The following PRKN variants were observed in gnomAD, a reference collection of about 807,000 sequenced individuals.
The protein encoded by PRKN is parkin RBR E3 ubiquitin protein ligase.
In PRKN, 56 loss-of-function variants were observed where a neutral mutation model predicts 59.5. The ratio of observed to expected loss-of-function variants is 0.94; its 90% confidence interval spans 0.76 to 1.18. PRKN has a LOEUF of 1.18. Ranked by LOEUF, PRKN falls within the 50% of genes most tolerant of loss-of-function variation. PRKN has a pLI of 0.00. For missense variants in PRKN, 657 were observed against 596.4 expected (o/e 1.10, Z -1.06); for synonymous variants, 250 against 222.1 (o/e 1.13, Z -1.12).
chr6:161,754,470 G>A (rs1319413079), intron 7 of PRKN, among the ~76,000 whole-genome samples: 1 of 152,078 alleles, frequency 6.6e-6, no homozygotes, highest in African/African-American at 2.4e-5. Context: ...GGGACACGAG[G>A]GCCATGAGGT....
Position 162,563,414 on chromosome 6 carries a change from CA to C in PRKN, c.8-119942del, listed in dbSNP as rs534438926. ...TATCACAGATCTTGTCCAAGACCAT[CA>C]AAGCAGCACCTCTATGAGTCTGCAA... On this transcript the variant is annotated intron_variant, in intron 1 of 11. Coordinates refer to ENST00000366898, the MANE Select transcript of PRKN (RefSeq NM_004562.3). Among the ~76,000 whole-genome samples, 776 of 152,316 alleles carry C rather than the reference CA, an allele frequency of 5.1e-3. 1 individual carries two copies. Among genetic ancestry groups the C allele is most frequent in the African/African-American group, 7.8e-3 (325 of 41,572 alleles).
At chr6:161,784,403 G>A (rs1790331698) in intron 7 of PRKN, among the ~76,000 whole-genome samples, 1 of 152,208 alleles carries the variant, frequency 6.6e-6, no homozygotes, top group Non-Finnish European at 1.5e-5. Flanking sequence ...ATCTGGTAAG[G>A]ATCCAGTATC....
At position 162,727,706 on chromosome 6, in the gene PRKN, GCC is replaced by G; in HGVS notation, c.-40_-39del. The G allele has an allele frequency of 6.4e-7, 1 of 1,558,500 alleles. No homozygotes were observed. On this transcript the variant is annotated 5_prime_UTR_variant, in exon 1 of 12. The change creates a premature stop within an existing upstream ORF in the 5' untranslated region. Transcript: ENST00000366898. ...GGTGGCGGCTGCGGGCCAGGAACAG[GCC>G]CATGCGCGCAGCGGCGCCAGCCGCG... is the stretch of plus-strand genomic sequence containing the variant.
At chr6:162,076,052 T>A (rs1366138410) in intron 4 of PRKN, among the ~76,000 whole-genome samples, 1 of 149,220 alleles carries the variant, frequency 6.7e-6, no homozygotes, top group Non-Finnish European at 1.5e-5. Flanking sequence ...TACTGCAACC[T>A]TCATCTCCTG....
chr6:162,467,308 A>G (rs1223256387), intron 1 of PRKN, among the ~76,000 whole-genome samples: 1 of 152,196 alleles, frequency 6.6e-6, no homozygotes, highest in Non-Finnish European at 1.5e-5. Context: ...TCAATAAATA[A>G]GAATGAATGT....
chr6:161,673,216 T>G (rs1232431706), intron 7 of PRKN, among the ~76,000 whole-genome samples: 1 of 152,136 alleles, frequency 6.6e-6, no homozygotes, highest in East Asian at 1.9e-4. Flanking sequence ...GAGCCCACCA[T>G]GCACACCGCA....
Position 162,174,731 on chromosome 6 carries a change from T to C in PRKN, c.534+26400A>G, listed in dbSNP as rs149062780. On this transcript the variant is annotated intron_variant, in intron 4 of 11. Coordinates refer to ENST00000366898, the MANE Select transcript of PRKN (RefSeq NM_004562.3). ...TTCATTCCCTTGTGCTTTGTTCTTG[T>C]TCATTTAACACACAACTAGTCCCAT... is the stretch of plus-strand genomic sequence containing the variant. Among the ~76,000 whole-genome samples the C allele has an allele frequency of 1.1e-4, 16 of 152,328 alleles. No homozygotes were observed. In the East Asian group the frequency reaches 2.9e-3, roughly 28 times the overall value.
chr6:162,667,782 C>T (rs1779159295), intron 1 of PRKN, among the ~76,000 whole-genome samples: 1 of 152,020 alleles, frequency 6.6e-6, no homozygotes, highest in Non-Finnish European at 1.5e-5. Context: ...TAAAAATAGG[C>T]AAATTATTTA....
Position 161,529,039 on chromosome 6 carries a change from T to C in PRKN, c.1083+19815A>G. Reference sequence around the variant, plus strand: ...TTGATATTCACAACAACAGTCTTGTTTGAATATCTTAATTTAGGAGTCTGC... The same window carrying C: ...TTGATATTCACAACAACAGTCTTGTCTGAATATCTTAATTTAGGAGTCTGC... On this transcript the variant is annotated intron_variant, in intron 9 of 11. Transcript: ENST00000366898. The surrounding 1 kb of genome is among the most constrained non-coding windows in gnomAD (Gnocchi z 4.4). 6.6e-6 allele frequency among the ~76,000 whole-genome samples: 1 copy of C among 152,206 alleles called. No homozygotes were observed. Among genetic ancestry groups the C allele is most frequent in the East Asian group, 1.9e-4 (1 of 5,190 alleles).
At chr6:161,374,231 T>A (rs999845602) in intron 10 of PRKN, among the ~76,000 whole-genome samples, 1 of 151,698 alleles carries the variant, frequency 6.6e-6, no homozygotes, top group African/African-American at 2.4e-5. Context: ...TCTGTGTGTA[T>A]GTGTGTTGTG....
chr6:162,443,221 T>A, intron 2 of PRKN, 89 bp downstream of exon 2: 2 of 1,328,942 alleles, frequency 1.5e-6, no homozygotes, highest in Non-Finnish European at 2.2e-6. Context: ...TTCTATTAGA[T>A]CTCAGGCATG....
intron 6 of PRKN, among the ~76,000 whole-genome samples, chr6:161,787,806 C>A (rs1293905302): frequency 6.6e-6 from 1 of 152,148 alleles, no homozygotes; most frequent in Non-Finnish European, 1.5e-5. Flanking sequence ...ATTAGCCCGG[C>A]GTGGTGGCGG....
intron 6 of PRKN, among the ~76,000 whole-genome samples, chr6:161,941,666 C>T (rs1335604153): frequency 6.6e-6 from 1 of 152,160 alleles, no homozygotes; most frequent in Non-Finnish European, 1.5e-5. Flanking sequence ...ACTGGGGTTT[C>T]AGGAGCTGTA....
At chr6:162,710,409 A>ACACACACACACACACACACACC (rs1778491640) in intron 1 of PRKN, among the ~76,000 whole-genome samples, 1 of 150,858 alleles carries the variant, frequency 6.6e-6, no homozygotes, top group African/African-American at 2.5e-5. Context: ...ACACACACAC[A>ACACACACACACACACACACACC]CACACAACTG....
At chr6:161,980,977 T>C (rs1781237748) in intron 5 of PRKN, among the ~76,000 whole-genome samples, 1 of 152,218 alleles carries the variant, frequency 6.6e-6, no homozygotes. Flanking sequence ...CACACAAATA[T>C]ACATTGTATA....
intron 2 of PRKN, among the ~76,000 whole-genome samples, chr6:162,347,281 C>T (rs1232852051): frequency 6.6e-6 from 1 of 151,050 alleles, no homozygotes; most frequent in Non-Finnish European, 1.5e-5. Context: ...CACCAATTTT[C>T]CTTGAAGAGC....
chr6:162,584,265 G>T (rs1176720200), intron 1 of PRKN, among the ~76,000 whole-genome samples: 1 of 150,128 alleles, frequency 6.7e-6, no homozygotes, highest in Non-Finnish European at 1.5e-5. Context: ...AAAAAACACT[G>T]ACTATATTTA....
chr6:161,906,975 T>C (rs1000562625), intron 6 of PRKN, among the ~76,000 whole-genome samples: 8 of 152,022 alleles, frequency 5.3e-5, no homozygotes, highest in African/African-American at 1.7e-4. Flanking sequence ...CCCACCCAGA[T>C]TGAGGGTGGG....
intron 4 of PRKN, among the ~76,000 whole-genome samples, chr6:162,179,597 A>G (rs922228843): frequency 6.6e-6 from 1 of 152,176 alleles, no homozygotes; most frequent in Non-Finnish European, 1.5e-5. Context: ...GAAAAGGTCT[A>G]AAAGTCTGTC....
Sources: allele counts gnomAD v4.1 joint callset (sites outside exome capture counted in the v4.1 genomes callset), GRCh38; gene constraint gnomAD v4.1.1; non-coding constraint Gnocchi (gnomAD v3.1); transcripts MANE v1.5; gene names NCBI Gene and HGNC (gene_info 2026-07-23, HGNC 2026-07-21).